NREP: variants seen among roughly 807,000 people sequenced by gnomAD.
The protein encoded by NREP is neuronal regeneration related protein.
In NREP, 5 loss-of-function variants were observed where a neutral mutation model predicts 8.6. That is an observed-to-expected ratio of 0.58 (90% confidence interval 0.30 to 1.22). The LOEUF is 1.22. NREP is among the 50% of genes most tolerant of loss of function. The pLI is 0.07. For synonymous variants in NREP, 27 were observed against 28.0 expected (o/e 0.96, Z 0.11); for missense variants, 86 against 82.5 (o/e 1.04, Z -0.17).
chr5:111,813,070 C>G (rs188598066), intron 2 of NREP, among the ~76,000 whole-genome samples: 69 of 152,200 alleles, frequency 4.5e-4, no homozygotes, highest in African/African-American at 1.6e-3. Flanking sequence ...TAAGTGTGTT[C>G]CAATGCAGTA....
intron 2 of NREP, among the ~76,000 whole-genome samples, chr5:111,794,428 C>T (rs1751829610): frequency 6.6e-6 from 1 of 152,182 alleles, no homozygotes; most frequent in African/African-American, 2.4e-5. Context: ...CAACCAAGAC[C>T]TCCATCAGTA....
intron 2 of NREP, among the ~76,000 whole-genome samples, chr5:111,747,222 T>C (rs1047264565): frequency 6.6e-5 from 10 of 152,346 alleles, no homozygotes; most frequent in African/African-American, 1.7e-4. Flanking sequence ...TTTCCCTTGA[T>C]AGTCTGAAAG....
At chr5:111,829,420 C>T (rs1249492391) in intron 2 of NREP, among the ~76,000 whole-genome samples, 1 of 152,150 alleles carries the variant, frequency 6.6e-6, no homozygotes, top group African/African-American at 2.4e-5. Flanking sequence ...TTATCATAAA[C>T]ATGTTTCTGC....
chr5:111,763,762 G>GTGTGTGTGTGTGTT (rs1480816118), intron 2 of NREP, among the ~76,000 whole-genome samples: 1 of 152,188 alleles, frequency 6.6e-6, no homozygotes, highest in Non-Finnish European at 1.5e-5. Flanking sequence ...GTATGTGTGT[G>GTGTGTGTGTGTGTT]TGTGTGTGTG....
chr5:111,757,078 A>C, intron 1 of NREP, 58 bp downstream of exon 1: 2 of 365,916 alleles, frequency 5.5e-6, no homozygotes, highest in Non-Finnish European at 7.6e-6. Context: ...ACGGCAAGGA[A>C]TCGACACAAA....
At chr5:111,975,201 G>A in intron 2 of NREP, 1 of 994,860 alleles carries the variant, frequency 1.0e-6, no homozygotes, top group East Asian at 2.6e-5. Context: ...GAATCACTTG[G>A]TTGCATGTGA....
intron 2 of NREP, among the ~76,000 whole-genome samples, chr5:111,800,174 C>T (rs1057377253): frequency 7.9e-5 from 12 of 152,232 alleles, no homozygotes; most frequent in Non-Finnish European, 1.2e-4. Context: ...GTGATTCGCC[C>T]GCCTCGGCCT....
intron 2 of NREP, among the ~76,000 whole-genome samples, chr5:111,778,198 T>C (rs1169445577): frequency 6.6e-6 from 1 of 152,166 alleles, no homozygotes; most frequent in African/African-American, 2.4e-5. Flanking sequence ...AAACTCTTCA[T>C]ATGCTAAGAG....
At chr5:111,786,065 T>C (rs936371019) in intron 2 of NREP, among the ~76,000 whole-genome samples, 2 of 152,244 alleles carry the variant, frequency 1.3e-5, no homozygotes, top group African/African-American at 4.8e-5. Flanking sequence ...TTCATTGATA[T>C]TCATTCAGCT....
At chr5:111,746,405 C>T (rs75227085) in intron 2 of NREP, among the ~76,000 whole-genome samples, 4,081 of 152,028 alleles carry the variant, frequency 0.027, 183 homozygotes, top group African/African-American at 0.094. Flanking sequence ...TATTTAGACC[C>T]AAGACTCCAC....
chr5:111,774,252 G>GGAAGGAGGGAGA lies in NREP; in HGVS notation c.136-38757_136-38746dup, dbSNP rs151042740. 4.2e-4 allele frequency among the ~76,000 whole-genome samples: 50 copies of GGAAGGAGGGAGA among 118,540 alleles called. No homozygotes were observed. The East Asian group carries it at 8.9e-3, about 21-fold the overall frequency. The allele number at this position is 118,540 out of a possible 152,430, so 77.8% of individuals were successfully genotyped here. On this transcript the variant is annotated intron_variant, in intron 2 of 3. Transcript: ENST00000395634. ...GGGAGGGAAGGAAGAAGGGAGGGAG[G>GGAAGGAGGGAGA]GAAGGAGGGAGAGAAGGAGGGAGAG...
chr5:111,755,966 A>G, intron 1 of NREP, 136 bp from the exon 2 acceptor site: 1 of 1,446,544 alleles, frequency 6.9e-7, no homozygotes, highest in Non-Finnish European at 9.1e-7. Context: ...ATTGTTAACT[A>G]CTGGGATTTC....
intron 2 of NREP, among the ~76,000 whole-genome samples, chr5:111,921,281 C>T (rs926650314): frequency 4.6e-5 from 7 of 152,024 alleles, no homozygotes; most frequent in African/African-American, 1.4e-4. Flanking sequence ...CAGCAGCTAG[C>T]GTTCCTCCTG....
At chr5:111,960,701 T>C (rs533445410) in intron 2 of NREP, among the ~76,000 whole-genome samples, 3 of 152,202 alleles carry the variant, frequency 2.0e-5, no homozygotes, top group Non-Finnish European at 4.4e-5. Flanking sequence ...ACAAGCTTGG[T>C]ATTCTAACAT....
chr5:111,857,095 C>T (rs1753443061), intron 2 of NREP, among the ~76,000 whole-genome samples: 1 of 152,140 alleles, frequency 6.6e-6, no homozygotes, highest in Non-Finnish European at 1.5e-5. Flanking sequence ...TAGGAAATTT[C>T]CCCAGAATCC....
chr5:111,919,982 CCCCA>C (rs201117986), intron 2 of NREP, among the ~76,000 whole-genome samples: 2,912 of 142,524 alleles, frequency 0.02, 90 homozygotes, highest in African/African-American at 0.035. Flanking sequence ...TACCCCCCCC[CCCCA>C]CACACACAAA....
rs1053126022 is a variant in NREP, at chr5:111,729,882, G to T, written c.*1039C>A. On this transcript the variant is annotated 3_prime_UTR_variant, in exon 4 of 4. Transcript: ENST00000257435. ...TTTTCCAATTTAATATTTGGAAAAG[G>T]TGTCATTTTCATATTCCCACTCAGA... 1 of 152,574 alleles carries T rather than the reference G, an allele frequency of 6.6e-6. No individual in the cohort carries two copies. Among genetic ancestry groups the T allele is most frequent in the African/African-American group, 2.4e-5 (1 of 41,408 alleles). 9.5% of individuals were successfully genotyped at this position (152,574 alleles called of 1,614,324 possible).
At chr5:111,925,294 A>G (rs1196215611) in intron 2 of NREP, among the ~76,000 whole-genome samples, 1 of 151,980 alleles carries the variant, frequency 6.6e-6, no homozygotes, top group Non-Finnish European at 1.5e-5. Flanking sequence ...AGGCAGTCCG[A>G]CCTCTAGTTG....
chr5:111,916,983 G>A (rs901563444), intron 2 of NREP, among the ~76,000 whole-genome samples: 19 of 152,092 alleles, frequency 1.2e-4, no homozygotes, highest in African/African-American at 4.6e-4. Flanking sequence ...CTGCCCGCTT[G>A]GAAGAGACCC....
Sources: allele counts gnomAD v4.1 joint callset (sites outside exome capture counted in the v4.1 genomes callset), GRCh38; gene constraint gnomAD v4.1.1; transcripts MANE v1.5; gene names NCBI Gene and HGNC (gene_info 2026-07-23, HGNC 2026-07-21).